The following PLCXD3 variants were observed in gnomAD, a reference collection of about 807,000 sequenced individuals.
PLCXD3 encodes phosphatidylinositol specific phospholipase C X domain containing 3.
A neutral mutation model predicts 25.5 loss-of-function variants in PLCXD3; 19 were observed. That is an observed-to-expected ratio of 0.75 (90% CI 0.52 to 1.09). The LOEUF (loss-of-function observed/expected upper bound fraction) is 1.09, where lower values mean the gene tolerates loss of function less well. Among genes scored for constraint, PLCXD3 ranks in the 50% least tolerant of loss-of-function variants. PLCXD3 has a pLI of 0.00. For synonymous variants in PLCXD3, 174 were observed against 137.6 expected (o/e 1.26, Z -1.85); for missense variants, 411 against 388.1 (o/e 1.06, Z -0.50).
intron 1 of PLCXD3, among the ~76,000 whole-genome samples, chr5:41,396,001 GA>G (rs60348556): frequency 0.011 from 1,609 of 141,296 alleles, 24 homozygotes; most frequent in African/African-American, 0.038. Context: ...GCCCATCAAA[GA>G]AAAAAAAAAA....
intron 1 of PLCXD3, among the ~76,000 whole-genome samples, chr5:41,491,731 G>C (rs1298577864): frequency 1.3e-5 from 2 of 151,906 alleles, no homozygotes; most frequent in Admixed American, 6.6e-5. Flanking sequence ...TTTAAAGTCT[G>C]TTTTATCAGA....
intron 1 of PLCXD3, among the ~76,000 whole-genome samples, chr5:41,467,243 A>G (rs570654896): frequency 6.6e-6 from 1 of 152,120 alleles, no homozygotes; most frequent in Non-Finnish European, 1.5e-5. Context: ...TGTTAAAGCC[A>G]TTCTAATAGG....
At chr5:41,414,296 G>A (rs1410970878) in intron 1 of PLCXD3, among the ~76,000 whole-genome samples, 3 of 151,828 alleles carry the variant, frequency 2.0e-5, no homozygotes, top group Non-Finnish European at 4.4e-5. Flanking sequence ...GTGCAATGGC[G>A]CGATCTCGGC....
At chr5:41,422,077 T>A (rs1292225950) in intron 1 of PLCXD3, among the ~76,000 whole-genome samples, 1 of 152,192 alleles carries the variant, frequency 6.6e-6, no homozygotes, top group African/African-American at 2.4e-5. Context: ...ACACACTTAC[T>A]GTATTTTTAT....
chr5:41,455,481 G>A (rs2150515533), intron 1 of PLCXD3, among the ~76,000 whole-genome samples: 1 of 151,996 alleles, frequency 6.6e-6, no homozygotes, highest in South Asian at 2.1e-4. Flanking sequence ...AGCAGGCTAG[G>A]AGGCAGCCAG....
intron 1 of PLCXD3, among the ~76,000 whole-genome samples, chr5:41,383,502 T>G (rs2150493455): frequency 6.6e-6 from 1 of 152,272 alleles, no homozygotes; most frequent in South Asian, 2.1e-4. Context: ...GGTTGCATTT[T>G]ATTTCTTAAA....
intron 2 of PLCXD3, among the ~76,000 whole-genome samples, chr5:41,345,452 A>G (rs1420278559): frequency 6.6e-6 from 1 of 152,188 alleles, no homozygotes; most frequent in Non-Finnish European, 1.5e-5. Context: ...ATCTAACGTT[A>G]TCTACTCTGA....
At chr5:41,318,224 T>C (rs1039024216) in intron 2 of PLCXD3, among the ~76,000 whole-genome samples, 6 of 152,092 alleles carry the variant, frequency 3.9e-5, no homozygotes, top group African/African-American at 1.4e-4. Context: ...AGGACATTAA[T>C]GAGCAATAAA....
chr5:41,367,433 C>T (rs571358219), intron 2 of PLCXD3, among the ~76,000 whole-genome samples: 5 of 152,088 alleles, frequency 3.3e-5, no homozygotes, highest in East Asian at 3.9e-4. Context: ...GCCATAATAA[C>T]GTCTTCTTTT....
At chr5:41,335,598 A>C (rs570332344) in intron 2 of PLCXD3, among the ~76,000 whole-genome samples, 18 of 152,238 alleles carry the variant, frequency 1.2e-4, no homozygotes, top group African/African-American at 3.6e-4. Context: ...TTAAGAAGAG[A>C]AGGGCTTTGT....
At chr5:41,354,022 A>T (rs1744546515) in intron 2 of PLCXD3, among the ~76,000 whole-genome samples, 1 of 152,138 alleles carries the variant, frequency 6.6e-6, no homozygotes, top group Admixed American at 6.5e-5. Context: ...TACTTCCTCT[A>T]GACTTTTTTC....
At position 41,404,545 on chromosome 5, in the gene PLCXD3, ATCTG is replaced by A. The variant is rs547224916; in HGVS notation, c.104-22015_104-22012del. ...GTAAAAAATAAGAATATTTACTACC[ATCTG>A]TCTAAGATTTTATAAATATGGAACA... is the stretch of plus-strand genomic sequence containing the variant. On this transcript the variant is annotated intron_variant, in intron 1 of 2. Transcript: ENST00000377801. Among the ~76,000 whole-genome samples the A allele has an allele frequency of 3.6e-4, 55 of 152,282 alleles. No individual in the cohort carries two copies. The East Asian group carries it at 7.0e-3, about 19-fold the overall frequency.
intron 1 of PLCXD3, among the ~76,000 whole-genome samples, chr5:41,462,367 C>T (rs1209435602): frequency 6.6e-6 from 1 of 151,998 alleles, no homozygotes; most frequent in Non-Finnish European, 1.5e-5. Flanking sequence ...TTTGCAACAC[C>T]TGTGAGACAA....
intron 1 of PLCXD3, among the ~76,000 whole-genome samples, chr5:41,458,233 A>C (rs1207026484): frequency 1.3e-5 from 2 of 151,932 alleles, no homozygotes; most frequent in Non-Finnish European, 2.9e-5. Context: ...TATGACTCAA[A>C]TACCTGAAGC....
intron 1 of PLCXD3, chr5:41,456,648 G>A (rs929271225): frequency 1.1e-5 from 5 of 454,004 alleles, no homozygotes; most frequent in African/African-American, 6.4e-5. Context: ...TGGAGGTTGG[G>A]CCTTTGGAAG....
At chr5:41,362,886 A>G (rs1038649108) in intron 2 of PLCXD3, among the ~76,000 whole-genome samples, 1 of 152,170 alleles carries the variant, frequency 6.6e-6, no homozygotes, top group East Asian at 1.9e-4. Context: ...CTCAACAGTT[A>G]GTGTTCATGA....
intron 2 of PLCXD3, among the ~76,000 whole-genome samples, chr5:41,356,988 A>T (rs776610499): frequency 4.6e-5 from 7 of 152,228 alleles, no homozygotes; most frequent in Non-Finnish European, 1.0e-4. Flanking sequence ...GGTGATAGAG[A>T]TCCTAGATGC....
chr5:41,354,732 A>G (rs1744569011), intron 2 of PLCXD3, among the ~76,000 whole-genome samples: 2 of 152,060 alleles, frequency 1.3e-5, no homozygotes, highest in East Asian at 1.9e-4. Flanking sequence ...ATATTGTCTC[A>G]CTCAAACTCA....
chr5:41,497,446 A>G (rs1748866450), intron 1 of PLCXD3, among the ~76,000 whole-genome samples: 1 of 151,864 alleles, frequency 6.6e-6, no homozygotes, highest in Non-Finnish European at 1.5e-5. Flanking sequence ...AGGGCATTAT[A>G]TGATGATATA....
Sources: gnomAD v4.1 joint callset for allele counts (sites outside exome capture counted in the v4.1 genomes callset) on GRCh38, gnomAD v4.1.1 for gene constraint, MANE v1.5 for transcripts, NCBI Gene and HGNC (gene_info 2026-07-23, HGNC 2026-07-21) for gene names.